Variants in BMPR2 observed in about 807,000 individuals in gnomAD.
BMPR2 encodes the protein bone morphogenetic protein receptor type-2.
In BMPR2, 29 loss-of-function variants were observed where a neutral mutation model predicts 100.8. The observed-to-expected ratio is 0.29, with a 90% CI of 0.21 to 0.39. BMPR2 has a LOEUF of 0.39. Ranked by LOEUF, BMPR2 falls within the 10% of genes least tolerant of loss-of-function variation. BMPR2 has a pLI of 1.00. For missense variants in BMPR2, 1,011 were observed against 1,274.5 expected (o/e 0.79, Z 3.15); for synonymous variants, 382 against 442.3 (o/e 0.86, Z 1.71).
At chr2:202,435,223 G>T (rs1691590540) in intron 1 of BMPR2, among the ~76,000 whole-genome samples, 1 of 146,770 alleles carries the variant, frequency 6.8e-6, no homozygotes, top group South Asian at 2.1e-4. Flanking sequence ...AATTAGCCAG[G>T]TGTGGTTGTG....
intron 1 of BMPR2, among the ~76,000 whole-genome samples, chr2:202,413,469 T>C (rs574386827): frequency 6.6e-6 from 1 of 152,262 alleles, no homozygotes; most frequent in East Asian, 1.9e-4. Flanking sequence ...TATTGATCTG[T>C]TAATGCAAAT....
chr2:202,551,709 T>A (rs1353754467), intron 10 of BMPR2, among the ~76,000 whole-genome samples: 1 of 152,138 alleles, frequency 6.6e-6, no homozygotes, highest in African/African-American at 2.4e-5. Context: ...CTCTTTTTTT[T>A]ATTCTTTTGA....
At chr2:202,385,241 C>A (rs1690402004) in intron 1 of BMPR2, among the ~76,000 whole-genome samples, 1 of 148,194 alleles carries the variant, frequency 6.7e-6, no homozygotes, top group African/African-American at 2.5e-5. Context: ...CCAGGCTAAC[C>A]TTTTAGGGCA....
At chr2:202,446,317 G>A (rs1417156064) in intron 1 of BMPR2, among the ~76,000 whole-genome samples, 3 of 150,092 alleles carry the variant, frequency 2.0e-5, no homozygotes, top group African/African-American at 7.6e-5. Context: ...GAGAATGCTT[G>A]AACCTGGGAG....
chr2:202,535,573 C>T (rs1451399750), intron 9 of BMPR2, among the ~76,000 whole-genome samples: 22 of 149,992 alleles, frequency 1.5e-4, no homozygotes, highest in Non-Finnish European at 3.3e-4. Context: ...GGATGGCGGC[C>T]GGGCGGAGAC....
intron 3 of BMPR2, among the ~76,000 whole-genome samples, chr2:202,484,358 C>CCCTCCCTT (rs148765711): frequency 4.7e-5 from 7 of 148,084 alleles, no homozygotes; most frequent in African/African-American, 1.7e-4. Context: ...CTCCCTCCCT[C>CCCTCCCTT]CCTTCCTTCT....
At chr2:202,536,972 A>T (rs1688173255) in intron 9 of BMPR2, among the ~76,000 whole-genome samples, 1 of 151,716 alleles carries the variant, frequency 6.6e-6, no homozygotes, top group Non-Finnish European at 1.5e-5. Context: ...ATCATAGCTC[A>T]CTGCAGCACT....
rs1161443034 is a variant in BMPR2 at position 202,517,336 on chromosome 2, T to TC, written c.622-1486_622-1485insC. On this transcript the variant is annotated intron_variant, in intron 5 of 12. Transcript: ENST00000374580. ...CAAATCTCAGTTCAGTTATTTTATCTTTTTTTTTTTTTTTTTACTCTGTCA... is the reference window on the plus strand; with the variant it reads ...CAAATCTCAGTTCAGTTATTTTATCTCTTTTTTTTTTTTTTTTACTCTGTCA... 5.2e-5 allele frequency among the ~76,000 whole-genome samples: 5 copies of TC among 95,244 alleles called. No individual in the cohort carries two copies. In the East Asian group the frequency reaches 1.2e-3, roughly 22 times the overall value. 62.5% of individuals were successfully genotyped at this position (95,244 alleles called of 152,430 possible).
intron 1 of BMPR2, among the ~76,000 whole-genome samples, chr2:202,403,126 C>T (rs2105911650): frequency 6.6e-6 from 1 of 151,290 alleles, no homozygotes; most frequent in Admixed American, 6.6e-5. Flanking sequence ...CCGCGCCTGG[C>T]TGTCCTGCTA....
intron 3 of BMPR2, among the ~76,000 whole-genome samples, chr2:202,480,131 T>G (rs1692630609): frequency 6.6e-6 from 1 of 150,642 alleles, no homozygotes; most frequent in African/African-American, 2.5e-5. Context: ...ATTTTCTTTT[T>G]CTTTTTCTTT....
chr2:202,537,909 G>C (rs1688193381), intron 9 of BMPR2, among the ~76,000 whole-genome samples: 1 of 152,020 alleles, frequency 6.6e-6, no homozygotes, highest in South Asian at 2.1e-4. Flanking sequence ...TGGATCTCCA[G>C]GTCAGGAGTT....
chr2:202,459,915 A>G (rs1692192775), intron 1 of BMPR2, among the ~76,000 whole-genome samples: 1 of 152,214 alleles, frequency 6.6e-6, no homozygotes, highest in Non-Finnish European at 1.5e-5. Context: ...AAACAAATTT[A>G]CAAGAAGAAA....
chr2:202,380,696 C>T (rs1690265282), intron 1 of BMPR2, among the ~76,000 whole-genome samples: 1 of 147,572 alleles, frequency 6.8e-6, no homozygotes, highest in African/African-American at 2.5e-5. Context: ...GATCTCGGCT[C>T]ACTGCAACCT....
intron 3 of BMPR2, among the ~76,000 whole-genome samples, chr2:202,501,977 C>T (rs568609177): frequency 1.1e-4 from 16 of 152,308 alleles, no homozygotes; most frequent in Non-Finnish European, 1.2e-4. Context: ...GAATGGGATA[C>T]GAAGGGTAGG....
intron 5 of BMPR2, among the ~76,000 whole-genome samples, chr2:202,517,470 T>C (rs1687733821): frequency 6.6e-6 from 1 of 151,694 alleles, no homozygotes; most frequent in African/African-American, 2.4e-5. Context: ...TGCAAGTATT[T>C]AAGTCTCCAC....
At chr2:202,489,241 G>A (rs903627595) in intron 3 of BMPR2, among the ~76,000 whole-genome samples, 1 of 152,026 alleles carries the variant, frequency 6.6e-6, no homozygotes, top group African/African-American at 2.4e-5. Flanking sequence ...GACATCAGGC[G>A]ATCCACCCTC....
chr2:202,510,451 A>C (rs1391653015), intron 3 of BMPR2, among the ~76,000 whole-genome samples: 2 of 152,232 alleles, frequency 1.3e-5, no homozygotes, highest in African/African-American at 4.8e-5. Flanking sequence ...AGGAACCTAA[A>C]GTACATATTG....
chr2:202,484,396 CG>C (rs1406044925), intron 3 of BMPR2, among the ~76,000 whole-genome samples: 3 of 147,388 alleles, frequency 2.0e-5, no homozygotes, highest in African/African-American at 7.5e-5. Context: ...AAAATAAGGC[CG>C]GGCGCGGTGG....
chr2:202,400,361 G>C (rs1487450270), intron 1 of BMPR2, among the ~76,000 whole-genome samples: 1 of 150,256 alleles, frequency 6.7e-6, no homozygotes, highest in Non-Finnish European at 1.5e-5. Context: ...TGTTGCCCAG[G>C]CTGGTCTTGA....
Sources: gnomAD v4.1 joint callset for allele counts (sites outside exome capture counted in the v4.1 genomes callset) on GRCh38, gnomAD v4.1.1 for gene constraint, MANE v1.5 for transcripts, NCBI Gene and HGNC (gene_info 2026-07-23, HGNC 2026-07-21) for gene names.